The following CUBN variants were observed in gnomAD, a reference collection of about 807,000 sequenced individuals.
CUBN encodes cubilin.
In CUBN, 282 loss-of-function variants were observed where a neutral mutation model predicts 405.3. That is an observed-to-expected ratio of 0.70 (90% CI 0.63 to 0.77). The LOEUF is 0.77. Ranked by LOEUF, CUBN falls within the 30% of genes least tolerant of loss-of-function variation. The pLI, the probability that CUBN is intolerant of heterozygous loss-of-function variation, is 0.00. For synonymous variants in CUBN, 1,684 were observed against 1,617.0 expected (o/e 1.04, Z -0.99); for missense variants, 4,514 against 4,475.2 (o/e 1.01, Z -0.25).
intron 31 of CUBN, among the ~76,000 whole-genome samples, chr10:16,965,179 T>C (rs553837142): frequency 6.6e-6 from 1 of 152,172 alleles, no homozygotes; most frequent in Admixed American, 6.5e-5. Flanking sequence ...GTGTGGGGCC[T>C]CATTACATCT....
intron 60 of CUBN, among the ~76,000 whole-genome samples, chr10:16,843,025 T>A (rs1005080595): frequency 6.6e-6 from 1 of 152,232 alleles, no homozygotes; most frequent in Non-Finnish European, 1.5e-5. Context: ...CATCCTGTTT[T>A]ATTTTCCTAT....
intron 19 of CUBN, 104 bp from the exon 20 acceptor site, chr10:17,068,874 T>C (rs1835673830): frequency 6.3e-6 from 6 of 957,150 alleles, no homozygotes; most frequent in African/African-American, 1.6e-5. Flanking sequence ...CAAATCAATT[T>C]GAGAATACAA....
At chr10:16,858,373 TGCA>T (rs1839922585) in intron 59 of CUBN, among the ~76,000 whole-genome samples, 2 of 152,242 alleles carry the variant, frequency 1.3e-5, no homozygotes, top group African/African-American at 4.8e-5. Flanking sequence ...CAGACTGGAG[TGCA>T]GTGGTGTGAT....
intron 65 of CUBN, among the ~76,000 whole-genome samples, chr10:16,829,246 C>T (rs1331474485): frequency 6.6e-6 from 1 of 151,896 alleles, no homozygotes; most frequent in Non-Finnish European, 1.5e-5. Flanking sequence ...TCCACCTCTT[C>T]CATCCTCCAC....
intron 43 of CUBN, 62 bp from the exon 44 acceptor site, chr10:16,920,199 C>T: frequency 6.6e-7 from 1 of 1,517,734 alleles, no homozygotes; most frequent in Non-Finnish European, 9.1e-7. Context: ...TCAATGGCCA[C>T]AAATCATCTT....
chr10:16,913,439 GC>G (rs2131452031), intron 48 of CUBN, among the ~76,000 whole-genome samples: 2 of 152,252 alleles, frequency 1.3e-5, no homozygotes, highest in African/African-American at 4.8e-5. Context: ...CAGTGCTTAT[GC>G]AGGACCACCC....
chr10:16,851,796 A>C (rs1301998325), intron 59 of CUBN, among the ~76,000 whole-genome samples: 11 of 73,744 alleles, frequency 1.5e-4, no homozygotes, highest in Admixed American at 6.9e-4. Flanking sequence ...CTCTCCCTCC[A>C]TCTTTCCCTC....
At chr10:17,088,041 G>A (rs1836163319) in intron 15 of CUBN, 123 bp downstream of exon 15, 1 of 722,282 alleles carries the variant, frequency 1.4e-6, no homozygotes, top group Admixed American at 2.1e-5. Context: ...GATATTGACT[G>A]ACTATTGAGA....
chr10:16,831,215 T>C, intron 65 of CUBN, 37 bp downstream of exon 65: 1 of 1,602,486 alleles, frequency 6.2e-7, no homozygotes, highest in Non-Finnish European at 8.6e-7. Flanking sequence ...CATGTTTTTC[T>C]CACAGTGCTT....
chr10:17,040,582 C>T (rs577711537), intron 27 of CUBN, among the ~76,000 whole-genome samples: 1 of 151,902 alleles, frequency 6.6e-6, no homozygotes, highest in Non-Finnish European at 1.5e-5. Context: ...ATTGAAACTT[C>T]AATTTTACAA....
chr10:17,065,135 C>G (rs906188411), intron 22 of CUBN, among the ~76,000 whole-genome samples: 10 of 140,450 alleles, frequency 7.1e-5, no homozygotes, highest in Admixed American at 5.5e-4. Context: ...TCTCTCCCCC[C>G]CCCCCCACAC....
chr10:16,824,745 C>G lies in CUBN; in HGVS notation c.*230G>C, dbSNP rs978809518. The G allele has an allele frequency of 4.2e-6, 2 of 471,578 alleles. No individual in the cohort carries two copies. Among genetic ancestry groups the G allele is most frequent in the Non-Finnish European group, 8.1e-6 (2 of 248,026 alleles). The allele number at this position is 471,578 out of a possible 1,614,324, so 29.2% of individuals were successfully genotyped here. On this transcript the variant is annotated 3_prime_UTR_variant, in exon 67 of 67. Transcript: ENST00000377833. ...ATGCTGGCCAGGCTAGTCTCAAACT[C>G]CTGACCTCAGGTGATCAACCTGCCT...
intron 17 of CUBN, among the ~76,000 whole-genome samples, chr10:17,076,583 ACTAT>A (rs1330370803): frequency 6.6e-6 from 1 of 151,916 alleles, no homozygotes; most frequent in African/African-American, 2.4e-5. Context: ...AAAAGGATTG[ACTAT>A]CTATGCTTTT....
At chr10:16,919,845 C>A in intron 44 of CUBN, 118 bp downstream of exon 44, 1 of 1,136,952 alleles carries the variant, frequency 8.8e-7, no homozygotes, top group East Asian at 2.6e-5. Context: ...AAGCATTTCC[C>A]TTTTCCCCTA....
intron 31 of CUBN, among the ~76,000 whole-genome samples, chr10:16,961,703 CCTTT>C (rs1320284689): frequency 7.8e-6 from 1 of 128,168 alleles, no homozygotes; most frequent in African/African-American, 2.9e-5. Flanking sequence ...AAAAGCAATC[CCTTT>C]TTTTTTTTTT....
intron 30 of CUBN, among the ~76,000 whole-genome samples, chr10:16,983,277 T>A (rs1278763269): frequency 6.6e-6 from 1 of 152,174 alleles, no homozygotes; most frequent in African/African-American, 2.4e-5. Flanking sequence ...TGTGTCTGTG[T>A]GTGTGTGTGT....
intron 56 of CUBN, among the ~76,000 whole-genome samples, 163 bp from the exon 57 acceptor site, chr10:16,877,260 T>C (rs1449672221): frequency 6.6e-6 from 1 of 152,226 alleles, no homozygotes; most frequent in Non-Finnish European, 1.5e-5. Flanking sequence ...CAATGTTTAC[T>C]CTAACTACAA....
chr10:16,875,173 A>G (rs1388518559), intron 57 of CUBN, among the ~76,000 whole-genome samples: 1 of 152,018 alleles, frequency 6.6e-6, no homozygotes, highest in Middle Eastern at 3.2e-3. Flanking sequence ...GTTCCTCTCC[A>G]GGATTCCAGC....
chr10:17,103,814 G>A (rs1000437619), intron 12 of CUBN, among the ~76,000 whole-genome samples: 4 of 152,340 alleles, frequency 2.6e-5, no homozygotes, highest in African/African-American at 9.6e-5. Context: ...TGAGAAACAA[G>A]GAAGATGTGT....
Sources: allele counts gnomAD v4.1 joint callset (sites outside exome capture counted in the v4.1 genomes callset), GRCh38; gene constraint gnomAD v4.1.1; transcripts MANE v1.5; gene names NCBI Gene and HGNC (gene_info 2026-07-23, HGNC 2026-07-21).